FRRS1: variants seen among roughly 807,000 people sequenced by gnomAD.
FRRS1 encodes ferric chelate reductase 1, also known as ferric reductase 1.
FRRS1 carries 51 observed loss-of-function variants against 70.7 expected under a neutral mutation model. The observed-to-expected ratio is 0.72, with a 90% CI of 0.58 to 0.91. The LOEUF is 0.91. Ranked by LOEUF, FRRS1 falls within the 40% of genes least tolerant of loss-of-function variation. FRRS1 has a pLI of 0.00. For synonymous variants in FRRS1, 225 were observed against 238.7 expected (o/e 0.94, Z 0.53); for missense variants, 672 against 726.0 (o/e 0.93, Z 0.86).
intron 10 of FRRS1, among the ~76,000 whole-genome samples, chr1:99,718,102 G>C (rs966146000): frequency 1.3e-5 from 2 of 152,086 alleles, no homozygotes; most frequent in African/African-American, 4.8e-5. Flanking sequence ...AACTGTGATG[G>C]CATTTATCGA....
At chr1:99,720,799 CA>C (rs1654776287) in intron 9 of FRRS1, among the ~76,000 whole-genome samples, 1 of 149,308 alleles carries the variant, frequency 6.7e-6, no homozygotes, top group African/African-American at 2.4e-5. Context: ...AGGTACTATT[CA>C]AAAAAAGTTT....
intron 9 of FRRS1, among the ~76,000 whole-genome samples, chr1:99,721,879 G>A (rs1157182242): frequency 6.6e-6 from 1 of 152,024 alleles, no homozygotes; most frequent in Non-Finnish European, 1.5e-5. Flanking sequence ...TAATAGGAGT[G>A]AGCAACCACG....
chr1:99,742,370 C>G, intron 4 of FRRS1, 97 bp from the exon 5 acceptor site: 1 of 727,702 alleles, frequency 1.4e-6, no homozygotes, highest in Non-Finnish European at 2.4e-6. Flanking sequence ...CATTGCATGA[C>G]ATTAGCATTC....
intron 7 of FRRS1, 30 bp from the exon 8 acceptor site, chr1:99,729,778 G>C (rs376731693): frequency 1.7e-5 from 25 of 1,432,962 alleles, no homozygotes; most frequent in Admixed American, 1.0e-4. Context: ...GAGAAAAAAA[G>C]CTCAAAGGAA....
intron 1 of FRRS1, among the ~76,000 whole-genome samples, chr1:99,766,293 CA>C (rs201492686): frequency 1.8e-4 from 26 of 145,446 alleles, no homozygotes; most frequent in African/African-American, 4.0e-4. Context: ...AAATTAAAAA[CA>C]AAAAAAAAAC....
intron 7 of FRRS1, among the ~76,000 whole-genome samples, chr1:99,737,067 T>TTC (rs1655711812): frequency 6.6e-6 from 1 of 152,006 alleles, no homozygotes; most frequent in African/African-American, 2.4e-5. Context: ...ATAAGGGGCT[T>TTC]TCTCCATTTC....
Position 99,712,583 on chromosome 1 carries a change from T to C in FRRS1, c.1324-68A>G. The stretch of plus-strand genomic sequence containing the variant: ...TCAATTTAAATCCTCAAGTTAAAAA[T>C]AATACACACAGATGTATTCTTAGTA... On this transcript the variant is annotated intron_variant, in intron 12 of 16. Transcript: ENST00000646001. 5.0e-6 allele frequency: 4 copies of C among 802,784 alleles called. No homozygotes were observed. The South Asian group carries it at 5.0e-5, about 10-fold the overall frequency. The allele number at this position is 802,784 out of a possible 1,614,324, so 49.7% of individuals were successfully genotyped here. A position where few individuals can be genotyped will look rare whatever the true frequency, so the allele number is the denominator to read the frequency against.
At chr1:99,762,480 T>C (rs1032549365) in intron 1 of FRRS1, among the ~76,000 whole-genome samples, 3 of 92,556 alleles carry the variant, frequency 3.2e-5, no homozygotes, top group African/African-American at 9.8e-5. Context: ...TTTTTTTCCC[T>C]TTTTTTTTTT....
rs776085526 is a variant in FRRS1, at chr1:99,739,301, A to C, written c.577-1033T>G. On this transcript the variant is annotated intron_variant, in intron 6 of 16. Coordinates refer to ENST00000646001, the MANE Select transcript of FRRS1 (RefSeq NM_001361041.2). ...GATTATAAACATGGCACAAAGACACAATAAAAGTTCCAACAAGAGCCTTTG... is the reference window on the plus strand; with the variant it reads ...GATTATAAACATGGCACAAAGACACCATAAAAGTTCCAACAAGAGCCTTTG... 2.5e-4 allele frequency among the ~76,000 whole-genome samples: 38 copies of C among 152,256 alleles called. 1 individual carries two copies. Among genetic ancestry groups the C allele is most frequent in the Non-Finnish European group, 4.0e-4 (27 of 68,036 alleles).
intron 7 of FRRS1, among the ~76,000 whole-genome samples, chr1:99,730,650 G>A (rs182210427): frequency 0.01 from 1,574 of 152,154 alleles, 9 homozygotes; most frequent in Non-Finnish European, 0.017. Context: ...GGCAGATCAC[G>A]AGGTCAGGAG....
intron 1 of FRRS1, among the ~76,000 whole-genome samples, chr1:99,758,569 A>G (rs1398606761): frequency 6.6e-6 from 1 of 151,396 alleles, no homozygotes; most frequent in East Asian, 1.9e-4. Flanking sequence ...TCTCAGGACC[A>G]CTGTGATAAC....
At position 99,719,607 on chromosome 1, in the gene FRRS1, A is replaced by C. The variant is rs372874869; in HGVS notation, c.1047T>G (p.Tyr349Ter). ...GAGAGTCTGTCACATCATATTTTTC[A>C]TAGGTAATCAAAGGTTGCTGAGAGT... is the stretch of plus-strand genomic sequence containing the variant. ...YKHSQQPLIT[Y>*]EKYDVTDSPK... Residue 349 changes from tyrosine to a stop codon, truncating the protein, a stop_gained, in exon 10 of 17, where the codon TAT (tyrosine) becomes TAG (stop). Coordinates refer to ENST00000646001, the MANE Select transcript of FRRS1 (RefSeq NM_001361041.2). LOFTEE classifies it high-confidence loss of function. 5 of 1,611,258 alleles carry C rather than the reference A, an allele frequency of 3.1e-6. No homozygotes were observed. The highest frequency in any genetic ancestry group is 8.5e-7 in the Non-Finnish European group (1 of 1,177,820).
intron 1 of FRRS1, among the ~76,000 whole-genome samples, chr1:99,753,436 A>G (rs1188267405): frequency 2.6e-5 from 4 of 151,870 alleles, no homozygotes; most frequent in African/African-American, 9.7e-5. Context: ...TAAAAAACAC[A>G]CTATCTGCAA....
At chr1:99,744,059 G>C (rs10875249) in intron 4 of FRRS1, among the ~76,000 whole-genome samples, 72,209 of 146,824 alleles carry the variant, frequency 0.49, 21,623 homozygotes, top group African/African-American at 0.85. Context: ...GTATAAGAAC[G>C]ATTGTAAAAA....
Position 99,710,812 on chromosome 1 carries a change from G to A in FRRS1, c.1618C>T (p.Arg540Cys), listed in dbSNP as rs1463050659. The A allele has an allele frequency of 8.7e-6, 14 of 1,613,320 alleles. No homozygotes were observed. The East Asian group carries it at 1.8e-4, about 21-fold the overall frequency. ...GGCTTTTTTACCAGGTTACCTTTGC[G>A]AGAGAGCCGATAAGCATGTACCTCC... ...VLEVHAYRLS[R>C]KVEILDDDRI... is the part of the protein sequence containing the mutation. Residue 540 changes from arginine (R) to cysteine (C), a missense_variant, in exon 15 of 17, where the codon CGC (arginine) becomes TGC (cysteine). By Grantham distance (180) the Arg-to-Cys change is radical. Transcript: ENST00000646001.
chr1:99,704,774 TGCCGACAG>T lies in FRRS1; in HGVS notation c.*4246_*4253del, dbSNP rs1399439355. 2.0e-5 allele frequency among the ~76,000 whole-genome samples: 3 copies of T among 151,924 alleles called. No individual in the cohort carries two copies. The highest frequency in any genetic ancestry group is 7.3e-5 in the African/African-American group (3 of 41,368). On this transcript the variant is annotated 3_prime_UTR_variant, in exon 17 of 17. Coordinates refer to ENST00000646001, the MANE Select transcript of FRRS1 (RefSeq NM_001361041.2). ...GAAGAGCACACGACAGATCCCAGCA[TGCCGACAG>T]GCCACGACTGGCGGAAGGAGGAACA...
intron 11 of FRRS1, 23 bp downstream of exon 11, chr1:99,717,387 T>G (rs369009721): frequency 7.2e-7 from 1 of 1,387,906 alleles, no homozygotes; most frequent in East Asian, 2.3e-5. Flanking sequence ...GAATATTGCA[T>G]TGAACTTTTT....
intron 1 of FRRS1, 102 bp from the exon 2 acceptor site, chr1:99,749,103 T>A: frequency 5.3e-6 from 1 of 188,320 alleles, no homozygotes; most frequent in Non-Finnish European, 1.1e-5. Context: ...TGGCACAATC[T>A]CGGCTCACTG....
chr1:99,709,503 C>A, intron 15 of FRRS1, among the ~76,000 whole-genome samples: 1 of 152,154 alleles, frequency 6.6e-6, no homozygotes, highest in East Asian at 1.9e-4. Flanking sequence ...AACACCACCT[C>A]AAAGTCATAA....
Sources: allele counts gnomAD v4.1 joint callset (sites outside exome capture counted in the v4.1 genomes callset), GRCh38; gene constraint gnomAD v4.1.1; transcripts MANE v1.5; gene names NCBI Gene and HGNC (gene_info 2026-07-23, HGNC 2026-07-21).